The following NEGR1 variants were observed in gnomAD, a reference collection of about 807,000 sequenced individuals.
The protein encoded by NEGR1 is IgLON family member 4.
Under a neutral mutation model 40.9 loss-of-function variants are expected in NEGR1, and 10 were observed. That is an observed-to-expected ratio of 0.24 (90% confidence interval 0.15 to 0.42). The LOEUF (loss-of-function observed/expected upper bound fraction) is 0.42, where lower values mean the gene tolerates loss of function less well. NEGR1 is among the 10% of genes least tolerant of loss of function. NEGR1 has a pLI of 1.00. For missense variants in NEGR1, 352 were observed against 438.9 expected (o/e 0.80, Z 1.77); for synonymous variants, 185 against 166.8 (o/e 1.11, Z -0.84).
intron 6 of NEGR1, among the ~76,000 whole-genome samples, chr1:71,583,654 T>A (rs1649208987): frequency 6.6e-6 from 1 of 152,222 alleles, no homozygotes; most frequent in Non-Finnish European, 1.5e-5. Context: ...AGTTATAATT[T>A]TTTTGAGAAA....
In NEGR1 at chr1:72,225,977, G is replaced by A. The variant is rs577783964; in HGVS notation, c.176+56342C>T. 4.0e-5 allele frequency among the ~76,000 whole-genome samples: 6 copies of A among 151,808 alleles called. No homozygotes were observed. In the South Asian group the frequency reaches 1.2e-3, roughly 32 times the overall value. ...AAGTTATTAGGAGGTAACTTAGCAGGAAAAAGTATGTCGTAGACAAAAAAC... is the reference window on the plus strand; with the variant it reads ...AAGTTATTAGGAGGTAACTTAGCAGAAAAAAGTATGTCGTAGACAAAAAAC... On this transcript the variant is annotated intron_variant, in intron 1 of 6. Coordinates refer to ENST00000357731, the MANE Select transcript of NEGR1 (RefSeq NM_173808.3).
intron 3 of NEGR1, among the ~76,000 whole-genome samples, chr1:71,759,165 C>G (rs1655847214): frequency 6.6e-6 from 1 of 152,004 alleles, no homozygotes; most frequent in African/African-American, 2.4e-5. Context: ...AATGTTCCTT[C>G]CGGATACTTA....
chr1:72,033,333 G>T (rs1000225231), intron 1 of NEGR1, among the ~76,000 whole-genome samples: 15 of 152,134 alleles, frequency 9.9e-5, no homozygotes, highest in Non-Finnish European at 1.8e-4. Context: ...CAGTAATAAT[G>T]TAAGATTAAT....
At chr1:72,062,402 A>G (rs890913039) in intron 1 of NEGR1, among the ~76,000 whole-genome samples, 1 of 151,926 alleles carries the variant, frequency 6.6e-6, no homozygotes, top group African/African-American at 2.4e-5. Flanking sequence ...TATTAGCAAT[A>G]TTCCTTAGGT....
intron 3 of NEGR1, among the ~76,000 whole-genome samples, chr1:71,702,351 G>A (rs1653725715): frequency 6.6e-6 from 1 of 151,948 alleles, no homozygotes; most frequent in Non-Finnish European, 1.5e-5. Context: ...ACTACATTTG[G>A]GGTAAATATA....
At chr1:71,740,411 T>A (rs1014851138) in intron 3 of NEGR1, among the ~76,000 whole-genome samples, 1 of 152,270 alleles carries the variant, frequency 6.6e-6, no homozygotes, top group East Asian at 1.9e-4. Flanking sequence ...AAGAGAGGAA[T>A]ATATGGTAGT....
intron 2 of NEGR1, among the ~76,000 whole-genome samples, chr1:71,851,469 A>T (rs1213947134): frequency 6.6e-6 from 1 of 152,188 alleles, no homozygotes; most frequent in African/African-American, 2.4e-5. Flanking sequence ...GCATAGCACA[A>T]TCGTTGTATT....
intron 1 of NEGR1, among the ~76,000 whole-genome samples, chr1:72,014,976 A>G (rs1174607270): frequency 2.0e-5 from 3 of 152,086 alleles, no homozygotes; most frequent in Non-Finnish European, 4.4e-5. Flanking sequence ...TTGAAATTGT[A>G]TTACAGAGTT....
chr1:71,759,598 T>C (rs1438522658), intron 3 of NEGR1, among the ~76,000 whole-genome samples: 1 of 43,034 alleles, frequency 2.3e-5, no homozygotes, highest in Non-Finnish European at 4.8e-5. Context: ...CGTCCAGGCT[T>C]TTTTTTTTTT....
intron 4 of NEGR1, among the ~76,000 whole-genome samples, chr1:71,619,389 G>A (rs1293570885): frequency 3.9e-5 from 6 of 152,040 alleles, no homozygotes. Flanking sequence ...TGGGAGTAGG[G>A]AAATAAATTT....
intron 1 of NEGR1, among the ~76,000 whole-genome samples, chr1:72,231,991 G>A (rs1654381689): frequency 2.0e-5 from 3 of 152,034 alleles, no homozygotes; most frequent in Admixed American, 6.6e-5. Context: ...CTCATATGGG[G>A]ACATTTTTAA....
chr1:71,956,208 C>T (rs1194718837), intron 1 of NEGR1, among the ~76,000 whole-genome samples: 1 of 152,140 alleles, frequency 6.6e-6, no homozygotes, highest in Non-Finnish European at 1.5e-5. Flanking sequence ...ATGAGGATTT[C>T]CTTGATGCCA....
intron 1 of NEGR1, among the ~76,000 whole-genome samples, chr1:71,941,977 C>T (rs535601709): frequency 6.3e-4 from 96 of 151,658 alleles, no homozygotes; most frequent in Non-Finnish European, 2.8e-4. Context: ...AATAATTACA[C>T]TAAATCTTCA....
At chr1:71,426,016 A>G (rs1484717552) in intron 6 of NEGR1, among the ~76,000 whole-genome samples, 1 of 152,320 alleles carries the variant, frequency 6.6e-6, no homozygotes, top group East Asian at 1.9e-4. Flanking sequence ...CTCATTATTT[A>G]CAGCAGTTAG....
At chr1:71,902,544 T>C (rs1427164727) in intron 2 of NEGR1, among the ~76,000 whole-genome samples, 3 of 152,212 alleles carry the variant, frequency 2.0e-5, no homozygotes, top group Non-Finnish European at 4.4e-5. Flanking sequence ...GGTCAGATAT[T>C]GTCAATTTCT....
chr1:72,108,722 T>A (rs1432774589), intron 1 of NEGR1, among the ~76,000 whole-genome samples: 1 of 151,498 alleles, frequency 6.6e-6, no homozygotes, highest in Non-Finnish European at 1.5e-5. Flanking sequence ...CTTGACCTCC[T>A]TAGGAATCTG....
chr1:71,714,541 G>T (rs1762727), intron 3 of NEGR1, among the ~76,000 whole-genome samples: 74,186 of 152,026 alleles, frequency 0.49, 18,438 homozygotes, highest in East Asian at 0.77. Context: ...AGTTGGTTCC[G>T]TCCTAGAAAC....
chr1:71,532,552 T>C (rs1206674426), intron 6 of NEGR1, among the ~76,000 whole-genome samples: 1 of 151,644 alleles, frequency 6.6e-6, no homozygotes, highest in Admixed American at 6.6e-5. Context: ...CCAAAAGCCT[T>C]GTAAACTCTC....
At chr1:72,200,190 A>C (rs1268572468) in intron 1 of NEGR1, among the ~76,000 whole-genome samples, 1 of 151,978 alleles carries the variant, frequency 6.6e-6, no homozygotes, top group Non-Finnish European at 1.5e-5. Flanking sequence ...AAGGAAAATA[A>C]ATTGTTCCAC....
Sources: allele counts gnomAD v4.1 joint callset (sites outside exome capture counted in the v4.1 genomes callset), GRCh38; gene constraint gnomAD v4.1.1; transcripts MANE v1.5; gene names NCBI Gene and HGNC (gene_info 2026-07-23, HGNC 2026-07-21).